MYO10: variants seen among roughly 807,000 people sequenced by gnomAD.
The protein encoded by MYO10 is myosin X, also known as unconventional myosin-X.
MYO10 carries 133 observed loss-of-function variants against 257.3 expected under a neutral mutation model. The observed-to-expected ratio is 0.52, with a 90% CI of 0.45 to 0.60. The LOEUF is 0.60. MYO10 is among the 20% of genes least tolerant of loss of function. The pLI, the probability that MYO10 is intolerant of heterozygous loss-of-function variation, is 0.00. For synonymous variants in MYO10, 1,104 were observed against 1,028.6 expected (o/e 1.07, Z -1.40); for missense variants, 2,399 against 2,635.7 (o/e 0.91, Z 1.97).
chr5:16,837,707 G>A (rs253334), intron 2 of MYO10, among the ~76,000 whole-genome samples: 4,693 of 152,216 alleles, frequency 0.031, 217 homozygotes, highest in African/African-American at 0.11. Context: ...AATGCAAGGT[G>A]TCTGATATAT....
intron 2 of MYO10, among the ~76,000 whole-genome samples, chr5:16,854,477 G>GT (rs1404235539): frequency 6.6e-6 from 1 of 152,176 alleles, no homozygotes; most frequent in Non-Finnish European, 1.5e-5. Context: ...GATTCCATTT[G>GT]TAAGAAATGT....
In MYO10 at chr5:16,780,738, A is replaced by C; in HGVS notation, c.731T>G (p.Leu244Ter). The change falls in exon 7 of 41, where the codon TTA (leucine) becomes TGA (stop). Residue 244 changes from leucine (L) to a stop codon, truncating the protein, a stop_gained. Coordinates refer to ENST00000513610, the MANE Select transcript of MYO10 (RefSeq NM_012334.3). LOFTEE classifies it high-confidence loss of function. Reference protein sequence around the residue: ...NIQGGRIVDYLLEKNRVVRQN... With the variant: ...NIQGGRIVDY ...ATCACGTTTACTTACTTTTTCTAAT[A>C]AATCTTCATGTGAAAAGCAATGGCA... is the stretch of plus-strand genomic sequence containing the variant. The C allele has an allele frequency of 6.4e-7, 1 of 1,574,154 alleles. No homozygotes were observed. Among genetic ancestry groups the C allele is most frequent in the Non-Finnish European group, 8.6e-7 (1 of 1,158,032 alleles).
At chr5:16,838,541 T>A (rs1473355901) in intron 2 of MYO10, among the ~76,000 whole-genome samples, 1 of 152,162 alleles carries the variant, frequency 6.6e-6, no homozygotes, top group Non-Finnish European at 1.5e-5. Flanking sequence ...AGAAGCCGTC[T>A]CCACAACACA....
At chr5:16,748,333 C>G (rs1579945630) in intron 19 of MYO10, among the ~76,000 whole-genome samples, 1 of 152,220 alleles carries the variant, frequency 6.6e-6, no homozygotes, top group East Asian at 1.9e-4. Context: ...CAACCTACAC[C>G]TCCTGGGTTC....
At chr5:16,744,336 C>T (rs751794816) in intron 19 of MYO10, among the ~76,000 whole-genome samples, 43 of 152,316 alleles carry the variant, frequency 2.8e-4, no homozygotes, top group Non-Finnish European at 5.3e-4. Flanking sequence ...TAGGTACTGT[C>T]AATACACACA....
chr5:16,823,785 G>A (rs111857518), intron 2 of MYO10, among the ~76,000 whole-genome samples: 23,874 of 149,974 alleles, frequency 0.16, 2,186 homozygotes, highest in East Asian at 0.34. Context: ...GGCGGGGGGC[G>A]GGGGGCGGTT....
intron 2 of MYO10, among the ~76,000 whole-genome samples, chr5:16,841,324 G>C (rs186619248): frequency 2.0e-5 from 3 of 152,096 alleles, no homozygotes; most frequent in Non-Finnish European, 4.4e-5. Context: ...CAATTATTTT[G>C]TGAGTTGAAC....
In MYO10 at chr5:16,764,258, T is replaced by C; in HGVS notation, c.1318A>G (p.Asn440Asp). 1 of 1,613,958 alleles carries C rather than the reference T, an allele frequency of 6.2e-7. No homozygotes were observed. The highest frequency in any genetic ancestry group is 8.5e-7 in the Non-Finnish European group (1 of 1,179,878). ...ACTGTTAGGAAACCTACCTCAAAGTTTTCAAATCCAAAGATGTCGAGGATG... is the reference window on the plus strand; with the variant it reads ...ACTGTTAGGAAACCTACCTCAAAGTCTTCAAATCCAAAGATGTCGAGGATG... ...IGILDIFGFE[N>D]FEVNHFEQFN... The change falls in exon 12 of 41, where the codon AAC (asparagine) becomes GAC (aspartate). Residue 440 changes from asparagine (N) to aspartate (D), a missense_variant. Coordinates refer to ENST00000513610, the MANE Select transcript of MYO10 (RefSeq NM_012334.3).
At chr5:16,847,708 T>G (rs1295914035) in intron 2 of MYO10, among the ~76,000 whole-genome samples, 3 of 151,860 alleles carry the variant, frequency 2.0e-5, no homozygotes, top group Non-Finnish European at 4.4e-5. Flanking sequence ...CCAACCTGGG[T>G]GACACAGTGA....
At position 16,694,485 on chromosome 5, in the gene MYO10, A is replaced by G. The variant is rs1737644050; in HGVS notation, c.3686T>C (p.Leu1229Pro). ...GCGCTTCTTCCAATTTCTCCTGGAC[A>G]GCGTGGAGGAGCCCCCCCCTTTTTT... ...LHKKGGGSST[L>P]SRRNWKKRWF... Residue 1229 changes from leucine to proline, a missense_variant, in exon 27 of 41, where the codon CTG (leucine) becomes CCG (proline). Coordinates refer to ENST00000513610, the MANE Select transcript of MYO10 (RefSeq NM_012334.3). 2 of 1,613,874 alleles carry G rather than the reference A, an allele frequency of 1.2e-6. No individual in the cohort carries two copies. Among genetic ancestry groups the G allele is most frequent in the East Asian group, 2.2e-5 (1 of 44,892 alleles).
intron 2 of MYO10, among the ~76,000 whole-genome samples, chr5:16,874,547 T>G (rs57032300): frequency 0.058 from 8,759 of 152,204 alleles, 699 homozygotes; most frequent in African/African-American, 0.18. Context: ...CTAAGGCAGG[T>G]GCAAAATGCC....
intron 28 of MYO10, 68 bp from the exon 29 acceptor site, chr5:16,685,899 C>T: frequency 8.5e-7 from 1 of 1,181,302 alleles, no homozygotes; most frequent in Non-Finnish European, 1.2e-6. Context: ...TAGTGCCCTA[C>T]TGCACGTGCT....
intron 19 of MYO10, among the ~76,000 whole-genome samples, chr5:16,719,143 TC>T (rs1406373524): frequency 7.2e-5 from 11 of 152,122 alleles, no homozygotes; most frequent in Admixed American, 7.2e-4. Context: ...ACCACGAAGA[TC>T]TGCAGCTTCA....
chr5:16,671,597 A>C, intron 37 of MYO10, 55 bp from the exon 38 acceptor site: 1 of 1,602,876 alleles, frequency 6.2e-7, no homozygotes. Flanking sequence ...GCCTTCAGTG[A>C]CCCGCAGGGA....
At chr5:16,879,458 G>T (rs1744698462) in intron 1 of MYO10, among the ~76,000 whole-genome samples, 1 of 152,176 alleles carries the variant, frequency 6.6e-6, no homozygotes, top group African/African-American at 2.4e-5. Context: ...CAGTAAAGGA[G>T]TGCCCCAGAT....
At chr5:16,727,875 CAAAAA>C (rs527975903) in intron 19 of MYO10, among the ~76,000 whole-genome samples, 2 of 93,984 alleles carry the variant, frequency 2.1e-5, no homozygotes, top group Non-Finnish European at 2.4e-5. Context: ...CCCCCCAGCC[CAAAAA>C]AAAAAAAAAA....
chr5:16,755,854 T>C (rs1740514856), intron 18 of MYO10, among the ~76,000 whole-genome samples: 1 of 151,806 alleles, frequency 6.6e-6, no homozygotes, highest in Non-Finnish European at 1.5e-5. Flanking sequence ...TACCCACCCC[T>C]GTGGAAAAGC....
At chr5:16,720,220 C>T (rs996976654) in intron 19 of MYO10, among the ~76,000 whole-genome samples, 1 of 152,068 alleles carries the variant, frequency 6.6e-6, no homozygotes, top group African/African-American at 2.4e-5. Flanking sequence ...AGAGCCCTGA[C>T]AAACAGCCCC....
intron 19 of MYO10, among the ~76,000 whole-genome samples, chr5:16,718,598 G>C (rs1193964573): frequency 6.7e-6 from 1 of 148,482 alleles, no homozygotes; most frequent in African/African-American, 2.5e-5. Context: ...ACACCAATCG[G>C]CACTCTGTAT....
Sources: gnomAD v4.1 joint callset for allele counts (sites outside exome capture counted in the v4.1 genomes callset) on GRCh38, gnomAD v4.1.1 for gene constraint, MANE v1.5 for transcripts, NCBI Gene and HGNC (gene_info 2026-07-23, HGNC 2026-07-21) for gene names.